Variants in R3HDM2 observed in about 807,000 individuals in gnomAD.
The protein encoded by R3HDM2 is R3H domain containing 2.
Under a neutral mutation model 124.5 loss-of-function variants are expected in R3HDM2, and 38 were observed. The ratio of observed to expected loss-of-function variants is 0.31; its 90% CI spans 0.24 to 0.40. R3HDM2 has a LOEUF of 0.40. Among genes scored for constraint, R3HDM2 ranks in the 10% least tolerant of loss-of-function variants. R3HDM2 has a pLI of 1.00. For synonymous variants in R3HDM2, 391 were observed against 448.0 expected (o/e 0.87, Z 1.61); for missense variants, 869 against 1,236.9 (o/e 0.70, Z 4.46).
In R3HDM2 at chr12:57,379,673, A is replaced by G. The variant is rs12310527; in HGVS notation, c.-36+16076T>C. Among the ~76,000 whole-genome samples, 1,255 of 152,256 alleles carry G rather than the reference A, an allele frequency of 8.2e-3. 16 individuals are homozygous for G. The highest frequency in any genetic ancestry group is 0.028 in the African/African-American group (1,171 of 41,564). On this transcript the variant is annotated intron_variant, in intron 2 of 23. Coordinates refer to ENST00000402412, the MANE Select transcript of R3HDM2 (RefSeq NM_001394031.1). Reference sequence around the variant, plus strand: ...ACTGCTATATCCCTTACTCTCAGATAGCTCTGACACAATGATTAAGTATTT... The same window carrying G: ...ACTGCTATATCCCTTACTCTCAGATGGCTCTGACACAATGATTAAGTATTT...
intron 14 of R3HDM2, among the ~76,000 whole-genome samples, chr12:57,279,178 CTTTTT>C (rs1212781487): frequency 8.7e-6 from 1 of 114,926 alleles, no homozygotes; most frequent in Non-Finnish European, 1.8e-5. Context: ...ATTAAGGTGA[CTTTTT>C]TTTTTTTTTT....
intron 1 of R3HDM2, among the ~76,000 whole-genome samples, chr12:57,428,449 G>A (rs1355719814): frequency 6.8e-6 from 1 of 146,390 alleles, no homozygotes; most frequent in Non-Finnish European, 1.5e-5. Flanking sequence ...GGCTAACACA[G>A]TGAAACCCGT....
chr12:57,370,992 A>C (rs2063290440), intron 2 of R3HDM2, among the ~76,000 whole-genome samples: 1 of 151,982 alleles, frequency 6.6e-6, no homozygotes, highest in African/African-American at 2.4e-5. Flanking sequence ...ACTGATTAGA[A>C]GCAGCAACAG....
chr12:57,360,893 A>G (rs1482843551), intron 2 of R3HDM2, among the ~76,000 whole-genome samples: 2 of 151,744 alleles, frequency 1.3e-5, no homozygotes, highest in East Asian at 1.9e-4. Context: ...TCTACTAAAA[A>G]TACAAAAAAT....
chr12:57,306,102 A>G (rs1566063385), intron 3 of R3HDM2, among the ~76,000 whole-genome samples: 1 of 152,178 alleles, frequency 6.6e-6, no homozygotes, highest in Non-Finnish European at 1.5e-5. Flanking sequence ...AGGCAGAGAA[A>G]GCATGTACAA....
intron 1 of R3HDM2, among the ~76,000 whole-genome samples, chr12:57,408,888 A>C (rs1275366788): frequency 6.6e-6 from 1 of 152,042 alleles, no homozygotes; most frequent in Non-Finnish European, 1.5e-5. Flanking sequence ...TGATTACTGA[A>C]ATGAATTTTG....
At chr12:57,402,048 G>A (rs1465459070) in intron 1 of R3HDM2, among the ~76,000 whole-genome samples, 5 of 151,420 alleles carry the variant, frequency 3.3e-5, no homozygotes, top group Non-Finnish European at 5.9e-5. Context: ...TTATCCCAGC[G>A]CTTTGGGAGG....
chr12:57,309,551 C>G (rs2053482461), intron 3 of R3HDM2, among the ~76,000 whole-genome samples: 1 of 152,198 alleles, frequency 6.6e-6, no homozygotes, highest in South Asian at 2.1e-4. Context: ...GTGGCAAGTT[C>G]AGAGGCTATT....
intron 2 of R3HDM2, among the ~76,000 whole-genome samples, chr12:57,360,042 TATA>T (rs2061729292): frequency 2.5e-5 from 2 of 80,100 alleles, no homozygotes; most frequent in African/African-American, 8.7e-5. Flanking sequence ...TATATATATA[TATA>T]TATTTTTTTT....
rs1042352124 is a variant in R3HDM2, at chr12:57,303,167, G to A, written c.207+9C>T. The A allele has an allele frequency of 6.6e-7, 1 of 1,505,718 alleles. No individual in the cohort carries two copies. Among genetic ancestry groups the A allele is most frequent in the African/African-American group, 1.4e-5 (1 of 71,954 alleles). 93.3% of individuals were successfully genotyped at this position (1,505,718 alleles called of 1,614,324 possible). On this transcript the variant is annotated intron_variant, in intron 4 of 23. Transcript: ENST00000402412. ...ACATTAGAAAAGAAGCTAGAGGAAG[G>A]GCTCTCACCTTGGCTCTTTTCCTGG...
intron 14 of R3HDM2, among the ~76,000 whole-genome samples, chr12:57,276,135 T>A (rs2044665241): frequency 6.7e-6 from 1 of 149,312 alleles, no homozygotes; most frequent in Non-Finnish European, 1.5e-5. Context: ...GAGAATGGCA[T>A]GAACCCGGAG....
chr12:57,393,267 C>T (rs2067000240), intron 2 of R3HDM2, among the ~76,000 whole-genome samples: 2 of 152,124 alleles, frequency 1.3e-5, no homozygotes, highest in South Asian at 4.1e-4. Context: ...ATATGCCCGG[C>T]TAATTTTGGA....
chr12:57,384,934 G>C (rs2065478859), intron 2 of R3HDM2, among the ~76,000 whole-genome samples: 1 of 152,130 alleles, frequency 6.6e-6, no homozygotes, highest in Admixed American at 6.6e-5. Context: ...GGATCACGAG[G>C]TCAGGAGTTC....
At position 57,254,445 on chromosome 12, in the gene R3HDM2, T is replaced by G. The variant is rs916358448; in HGVS notation, c.*328A>C. 11 of 328,110 alleles carry G rather than the reference T, an allele frequency of 3.4e-5. No homozygotes were observed. In the Admixed American group the frequency reaches 4.2e-4, roughly 12 times the overall value. The allele number at this position is 328,110 out of a possible 1,614,324, so 20.3% of individuals were successfully genotyped here. ...GAACCCAGGAGCTGGAGGTTGCAGT[T>G]AGCCAAGATCGTGCTACTGCACTCC... On this transcript the variant is annotated 3_prime_UTR_variant, in exon 24 of 24. Transcript: ENST00000402412.
intron 1 of R3HDM2, among the ~76,000 whole-genome samples, chr12:57,422,775 G>A (rs528570684): frequency 1.4e-4 from 21 of 151,428 alleles, no homozygotes; most frequent in Admixed American, 9.2e-4. Flanking sequence ...GAGCCCAAGC[G>A]TTCAAGACCA....
At position 57,256,084 on chromosome 12, in the gene R3HDM2, T is replaced by C; in HGVS notation, c.2548-10A>G. ...TCAGTCCACTCTGTCCCTTCAACAT[T>C]TGAAAGACGACTCTCATCCCATGTA... is the stretch of plus-strand genomic sequence containing the variant. On this transcript the variant is annotated splice_polypyrimidine_tract_variant and intron_variant, in intron 22 of 23. Transcript: ENST00000402412. 8.1e-6 allele frequency: 13 copies of C among 1,609,672 alleles called. No individual in the cohort carries two copies. The highest frequency in any genetic ancestry group is 1.0e-5 in the Non-Finnish European group (12 of 1,175,976).
chr12:57,349,763 T>C (rs1372078366), intron 2 of R3HDM2, among the ~76,000 whole-genome samples: 1 of 151,908 alleles, frequency 6.6e-6, no homozygotes, highest in Non-Finnish European at 1.5e-5. Flanking sequence ...GGTTTCACCA[T>C]GTTAGCCAGG....
chr12:57,392,836 G>A (rs1470786898), intron 2 of R3HDM2, among the ~76,000 whole-genome samples: 5 of 134,472 alleles, frequency 3.7e-5, no homozygotes, highest in Admixed American at 8.3e-5. Context: ...CTAGAGTCTC[G>A]CTCTGTCGCC....
chr12:57,381,426 T>A (rs1803972555), intron 2 of R3HDM2, among the ~76,000 whole-genome samples: 1 of 150,830 alleles, frequency 6.6e-6, no homozygotes, highest in Non-Finnish European at 1.5e-5. Flanking sequence ...TGTAGTGTAA[T>A]CCCAGCTACT....
Sources: allele counts gnomAD v4.1 joint callset (sites outside exome capture counted in the v4.1 genomes callset), GRCh38; gene constraint gnomAD v4.1.1; transcripts MANE v1.5; gene names NCBI Gene and HGNC (gene_info 2026-07-23, HGNC 2026-07-21).